The following LOC128092252 variants were observed in gnomAD, a reference collection of about 807,000 sequenced individuals.
At chr15:50,686,384 G>A in the LOC128092252 span, 4 of 1,363,616 alleles carry the variant, frequency 2.9e-6, no homozygotes, top group African/African-American at 4.3e-5. Context: ...CACCCGTCCC[G>A]AGAGGACAAA....
the LOC128092252 span, among the ~76,000 whole-genome samples, chr15:50,649,199 G>T: frequency 6.6e-6 from 1 of 152,114 alleles, no homozygotes; most frequent in Admixed American, 6.5e-5. Context: ...AACACTGTGG[G>T]AGGCCATGGC....
the LOC128092252 span, among the ~76,000 whole-genome samples, chr15:50,662,606 G>C: frequency 6.6e-6 from 1 of 152,104 alleles, no homozygotes; most frequent in Non-Finnish European, 1.5e-5. Flanking sequence ...ATACCCAGTA[G>C]ATGCCCAATA....
chr15:50,686,586 C>A, the LOC128092252 span: 1 of 1,605,200 alleles, frequency 6.2e-7, no homozygotes. Context: ...CCTCCTCCTC[C>A]GCGGCCTGTA....
At chr15:50,656,526 G>A in the LOC128092252 span, among the ~76,000 whole-genome samples, 62 of 147,392 alleles carry the variant, frequency 4.2e-4, no homozygotes, top group African/African-American at 1.6e-3. Flanking sequence ...GGTAGACACA[G>A]GGTCTCACTA....
At chr15:50,666,830 G>A in the LOC128092252 span, among the ~76,000 whole-genome samples, 3 of 152,090 alleles carry the variant, frequency 2.0e-5, no homozygotes, top group African/African-American at 7.2e-5. Context: ...GGTGGAGGTG[G>A]CAGCACAAGT....
the LOC128092252 span, among the ~76,000 whole-genome samples, chr15:50,679,538 A>ATATATATATAT: frequency 2.1e-4 from 9 of 43,902 alleles, no homozygotes; most frequent in African/African-American, 8.6e-4. Flanking sequence ...ATATATATAT[A>ATATATATATAT]TTTTTTTTTT....
chr15:50,655,687 A>T, the LOC128092252 span, among the ~76,000 whole-genome samples: 1 of 152,178 alleles, frequency 6.6e-6, no homozygotes, highest in Admixed American at 6.5e-5. Context: ...TACAAGATAA[A>T]ATAATGACAC....
the LOC128092252 span, among the ~76,000 whole-genome samples, chr15:50,683,416 C>A: frequency 1.3e-5 from 2 of 151,774 alleles, no homozygotes; most frequent in Non-Finnish European, 2.9e-5. Flanking sequence ...CAACACGAAT[C>A]CACTGGTCAA....
At chr15:50,660,780 T>C in the LOC128092252 span, among the ~76,000 whole-genome samples, 1 of 152,322 alleles carries the variant, frequency 6.6e-6, no homozygotes, top group South Asian at 2.1e-4. Flanking sequence ...ATTCCTTTAA[T>C]ACTTTTCAAA....
the LOC128092252 span, among the ~76,000 whole-genome samples, chr15:50,652,308 G>C: frequency 1.6e-5 from 2 of 124,718 alleles, no homozygotes; most frequent in East Asian, 2.5e-4. Context: ...ACTGCAGCCT[G>C]GCTGAGTGAG....
chr15:50,649,030 G>C, the LOC128092252 span: 1 of 522,870 alleles, frequency 1.9e-6, no homozygotes, highest in African/African-American at 2.0e-5. Context: ...TTGATTTTAG[G>C]ATATCTATAT....
At chr15:50,668,992 G>A in the LOC128092252 span, among the ~76,000 whole-genome samples, 2 of 152,130 alleles carry the variant, frequency 1.3e-5, no homozygotes, top group African/African-American at 4.8e-5. Flanking sequence ...TCTTGTCTAC[G>A]CAGTCCCTGT....
At chr15:50,658,082 G>A in the LOC128092252 span, among the ~76,000 whole-genome samples, 1 of 148,328 alleles carries the variant, frequency 6.7e-6, no homozygotes, top group Admixed American at 6.8e-5. Context: ...TCAGCTCACT[G>A]CAAGCTCCGC....
At chr15:50,685,198 C>G in the LOC128092252 span, among the ~76,000 whole-genome samples, 1 of 152,212 alleles carries the variant, frequency 6.6e-6, no homozygotes, top group East Asian at 1.9e-4. Flanking sequence ...CGCGGTGGCT[C>G]ACGCCTGTAA....
the LOC128092252 span, among the ~76,000 whole-genome samples, chr15:50,674,880 T>C: frequency 2.0e-5 from 3 of 152,236 alleles, no homozygotes. Context: ...CCCATAGTTT[T>C]GGGTTTTTTC....
At chr15:50,672,221 T>C in the LOC128092252 span, among the ~76,000 whole-genome samples, 1 of 152,064 alleles carries the variant, frequency 6.6e-6, no homozygotes, top group Non-Finnish European at 1.5e-5. Context: ...ACCCAGCTAA[T>C]TTTTTGTATT....
chr15:50,662,871 AATTT>A, the LOC128092252 span: 1 of 881,244 alleles, frequency 1.1e-6, no homozygotes, highest in Non-Finnish European at 1.8e-6. Context: ...AAGTACAAAT[AATTT>A]ATTTAGTGGT....
chr15:50,668,772 T>G, the LOC128092252 span, among the ~76,000 whole-genome samples: 2 of 152,244 alleles, frequency 1.3e-5, no homozygotes, highest in Admixed American at 6.5e-5. Context: ...CCTCCCAAAG[T>G]GCTGGGATTA....
the LOC128092252 span, among the ~76,000 whole-genome samples, chr15:50,650,376 TATC>T: frequency 8.0e-4 from 122 of 151,722 alleles, no homozygotes; most frequent in Non-Finnish European, 1.6e-3. Flanking sequence ...TCAAAAAAAG[TATC>T]ATTAAATTAG....
Sources: gnomAD v4.1 joint callset for allele counts (sites outside exome capture counted in the v4.1 genomes callset) on GRCh38, gnomAD v4.1.1 for gene constraint, MANE v1.5 for transcripts.